Variants in TANC1 observed in about 807,000 individuals in gnomAD.
The protein encoded by TANC1 is protein TANC1.
Under a neutral mutation model 149.7 loss-of-function variants are expected in TANC1, and 77 were observed. That is an observed-to-expected ratio of 0.51 (90% CI 0.43 to 0.62). The LOEUF is 0.62. Among genes scored for constraint, TANC1 ranks in the 20% least tolerant of loss-of-function variants. The pLI, the probability that TANC1 is intolerant of heterozygous loss-of-function variation, is 0.00. For missense variants in TANC1, 1,985 were observed against 2,321.8 expected (o/e 0.85, Z 2.98); for synonymous variants, 854 against 925.0 (o/e 0.92, Z 1.39).
intron 19 of TANC1, among the ~76,000 whole-genome samples, chr2:159,207,275 G>A (rs1334274780): frequency 5.3e-5 from 8 of 152,234 alleles, no homozygotes; most frequent in Non-Finnish European, 1.2e-4. Flanking sequence ...GTCCATGGGA[G>A]AAATCGCAGC....
At chr2:159,193,520 T>G (rs1191971657) in intron 16 of TANC1, among the ~76,000 whole-genome samples, 2 of 152,132 alleles carry the variant, frequency 1.3e-5, no homozygotes, top group South Asian at 4.2e-4. Flanking sequence ...TATTGTTATT[T>G]TTTGTTGTTT....
chr2:159,006,295 C>CAAAAAA, intron 2 of TANC1, among the ~76,000 whole-genome samples: 2 of 75,136 alleles, frequency 2.7e-5, no homozygotes, highest in Non-Finnish European at 5.4e-5. Context: ...GACTTAGTCT[C>CAAAAAA]AAAAAAAAAA....
At chr2:159,082,421 C>T (rs1406587743) in intron 3 of TANC1, among the ~76,000 whole-genome samples, 2 of 150,482 alleles carry the variant, frequency 1.3e-5, no homozygotes, top group African/African-American at 4.9e-5. Context: ...CCACAGTAAG[C>T]ATCTTACAAA....
At chr2:159,143,415 C>T (rs1174024784) in intron 5 of TANC1, among the ~76,000 whole-genome samples, 3 of 151,806 alleles carry the variant, frequency 2.0e-5, no homozygotes, top group East Asian at 1.9e-4. Flanking sequence ...AAAAATTCAT[C>T]GATGCAGATT....
At chr2:159,171,861 AAAAAAAAAAAAAAAGAAAAAG>A (rs1300478890) in intron 10 of TANC1, among the ~76,000 whole-genome samples, 2 of 89,370 alleles carry the variant, frequency 2.2e-5, no homozygotes, top group Non-Finnish European at 2.6e-5. Context: ...CGCCTTAAAA[AAAAAAAAAAAAAAAGAAAAAG>A]AAAAAAAAAA....
chr2:159,211,573 G>A (rs947245360), intron 19 of TANC1, among the ~76,000 whole-genome samples: 1 of 152,208 alleles, frequency 6.6e-6, no homozygotes, highest in African/African-American at 2.4e-5. Context: ...GAATTCCTGA[G>A]CATAATTTAG....
In TANC1 at chr2:159,169,512, A is replaced by C; in HGVS notation, c.1069+140A>C. The C allele has an allele frequency of 5.8e-6, 5 of 867,550 alleles. No individual in the cohort carries two copies. In the South Asian group the frequency reaches 9.4e-5, roughly 16 times the overall value. The allele number at this position is 867,550 out of a possible 1,614,324, so 53.7% of individuals were successfully genotyped here. On this transcript the variant is annotated intron_variant, in intron 9 of 26. Coordinates refer to ENST00000263635, the MANE Select transcript of TANC1 (RefSeq NM_033394.3). ...TGTTTGTGCTAAAAGCATATCTGTG[A>C]GGTGTGCTAAGAGGTCATCCTCAAC...
chr2:159,142,491 G>C (rs1160665382), intron 5 of TANC1, among the ~76,000 whole-genome samples: 1 of 152,176 alleles, frequency 6.6e-6, no homozygotes, highest in African/African-American at 2.4e-5. Context: ...AGCACTAAAA[G>C]TAATGTTATT....
chr2:159,086,054 G>GGGTT (rs1185010084), intron 3 of TANC1, among the ~76,000 whole-genome samples: 1 of 152,150 alleles, frequency 6.6e-6, no homozygotes, highest in Non-Finnish European at 1.5e-5. Flanking sequence ...TGTTGTCCCT[G>GGGTT]GGTTGGCCTC....
chr2:159,227,045 A>G (rs1308796848), intron 24 of TANC1: 1 of 152,224 alleles, frequency 6.6e-6, no homozygotes, highest in East Asian at 1.9e-4. Flanking sequence ...ACTGTTAGGC[A>G]GCTGTATTTG....
intron 19 of TANC1, among the ~76,000 whole-genome samples, chr2:159,204,889 T>C (rs908956063): frequency 2.6e-5 from 4 of 152,262 alleles, no homozygotes; most frequent in Non-Finnish European, 5.9e-5. Flanking sequence ...GCTATTTAGC[T>C]GCGTCGTAGG....
At chr2:159,123,882 C>T (rs1331974589) in intron 4 of TANC1, among the ~76,000 whole-genome samples, 1 of 152,138 alleles carries the variant, frequency 6.6e-6, no homozygotes, top group Non-Finnish European at 1.5e-5. Context: ...TGACGCCAGT[C>T]TCCCCTCGTG....
Position 159,230,173 on chromosome 2 carries a change from G to C in TANC1, c.4747G>C (p.Glu1583Gln), listed in dbSNP as rs1464772955. ...TPAGSRTQHL[E>Q]GTGTFTTRAG... is the part of the protein sequence containing the mutation. Reference sequence around the variant, plus strand: ...TGCTGGGAGCAGAACCCAGCATTTAGAGGGAACAGGTACTTTCACTACAAG... The same window carrying C: ...TGCTGGGAGCAGAACCCAGCATTTACAGGGAACAGGTACTTTCACTACAAG... The change falls in exon 27 of 27, where the codon GAG becomes CAG. Residue 1583 changes from glutamate to glutamine, a missense_variant. By Grantham distance (29) the Glu-to-Gln change is conservative. Coordinates refer to ENST00000263635, the MANE Select transcript of TANC1 (RefSeq NM_033394.3). The surrounding 1 kb of genome is among the most constrained non-coding windows in gnomAD (Gnocchi z 4.4). The C allele has an allele frequency of 1.9e-6, 3 of 1,613,986 alleles. No homozygotes were observed. Among genetic ancestry groups the C allele is most frequent in the African/African-American group, 1.3e-5 (1 of 74,948 alleles).
chr2:159,021,409 T>G (rs1300483559), intron 2 of TANC1, among the ~76,000 whole-genome samples: 1 of 152,160 alleles, frequency 6.6e-6, no homozygotes, highest in East Asian at 1.9e-4. Context: ...ATAACCAAAG[T>G]AATCTAAGCT....
intron 19 of TANC1, among the ~76,000 whole-genome samples, chr2:159,210,411 C>T (rs561201653): frequency 1.3e-5 from 2 of 152,222 alleles, no homozygotes; most frequent in Admixed American, 6.5e-5. Flanking sequence ...ACTGTGTCCC[C>T]GGCAAGTTGA....
At chr2:159,152,879 G>GA (rs1489458856) in intron 7 of TANC1, among the ~76,000 whole-genome samples, 1 of 152,308 alleles carries the variant, frequency 6.6e-6, no homozygotes, top group East Asian at 1.9e-4. Context: ...CTAAGCAGAG[G>GA]AAAGAAATGG....
At chr2:159,059,746 A>T (rs1451271561) in intron 2 of TANC1, among the ~76,000 whole-genome samples, 8 of 151,488 alleles carry the variant, frequency 5.3e-5, no homozygotes. Context: ...AATGTCAAAA[A>T]CTCATCAAGG....
intron 2 of TANC1, among the ~76,000 whole-genome samples, chr2:159,007,863 A>C (rs562449242): frequency 6.6e-6 from 1 of 152,332 alleles, no homozygotes; most frequent in African/African-American, 2.4e-5. Flanking sequence ...CAAACAGACC[A>C]GGGTGGAGGT....
At chr2:159,058,408 AT>A (rs1469238600) in intron 2 of TANC1, among the ~76,000 whole-genome samples, 2 of 152,108 alleles carry the variant, frequency 1.3e-5, no homozygotes, top group East Asian at 3.8e-4. Flanking sequence ...TTGGAAGAGA[AT>A]TGCCGTTGAT....
Sources: allele counts gnomAD v4.1 joint callset (sites outside exome capture counted in the v4.1 genomes callset), GRCh38; gene constraint gnomAD v4.1.1; non-coding constraint Gnocchi (gnomAD v3.1); transcripts MANE v1.5; gene names NCBI Gene and HGNC (gene_info 2026-07-23, HGNC 2026-07-21).